ZFPM2: variants seen among roughly 807,000 people sequenced by gnomAD.
The protein encoded by ZFPM2 is zinc finger protein ZFPM2.
In ZFPM2, 20 loss-of-function variants were observed where a neutral mutation model predicts 98.6. The ratio of observed to expected loss-of-function variants is 0.20; its 90% CI spans 0.14 to 0.29. ZFPM2 has a LOEUF of 0.29. ZFPM2 is among the 10% of genes least tolerant of loss of function. ZFPM2 has a pLI of 1.00. For missense variants in ZFPM2, 1,310 were observed against 1,388.6 expected, an observed-to-expected ratio of 0.94 and a Z score of 0.90; for synonymous variants, 518 against 502.7, an observed-to-expected ratio of 1.03 and a Z score of -0.41.
intron 4 of ZFPM2, among the ~76,000 whole-genome samples, chr8:105,600,343 G>A (rs541462126): frequency 3.9e-5 from 6 of 152,056 alleles, no homozygotes; most frequent in Non-Finnish European, 5.9e-5. Context: ...TTTCTTTTTT[G>A]CTTCTGTCAA....
At chr8:105,377,192 A>T (rs1244669322) in intron 1 of ZFPM2, among the ~76,000 whole-genome samples, 1 of 152,162 alleles carries the variant, frequency 6.6e-6, no homozygotes, top group Admixed American at 6.5e-5. Flanking sequence ...GGCTTCCCTG[A>T]CTTACCAGAT....
At chr8:105,597,430 A>G (rs1459199664) in intron 4 of ZFPM2, among the ~76,000 whole-genome samples, 3 of 151,958 alleles carry the variant, frequency 2.0e-5, no homozygotes, top group Non-Finnish European at 4.4e-5. Context: ...TAATGAGAAA[A>G]AGAGAGCAGA....
At chr8:105,451,175 A>G (rs1056660480) in intron 3 of ZFPM2, among the ~76,000 whole-genome samples, 1 of 152,198 alleles carries the variant, frequency 6.6e-6, no homozygotes, top group African/African-American at 2.4e-5. Context: ...TTGTTTACAT[A>G]AGTTAAATTG....
chr8:105,611,904 G>A (rs1050245168), intron 4 of ZFPM2, among the ~76,000 whole-genome samples: 1 of 151,780 alleles, frequency 6.6e-6, no homozygotes, highest in African/African-American at 2.4e-5. Flanking sequence ...TACCATGTTG[G>A]CCAGGCTGGT....
At chr8:105,725,676 A>G (rs1811794288) in intron 5 of ZFPM2, among the ~76,000 whole-genome samples, 1 of 151,782 alleles carries the variant, frequency 6.6e-6, no homozygotes, top group South Asian at 2.1e-4. Context: ...CAGAAGACAC[A>G]GCTCAGAAGC....
At chr8:105,388,992 C>T (rs1284621454) in intron 1 of ZFPM2, among the ~76,000 whole-genome samples, 3 of 148,432 alleles carry the variant, frequency 2.0e-5, no homozygotes, top group African/African-American at 7.5e-5. Flanking sequence ...ATTTAGAAAA[C>T]AAAACCACAG....
intron 3 of ZFPM2, among the ~76,000 whole-genome samples, chr8:105,553,524 G>A (rs1028186441): frequency 6.6e-6 from 1 of 152,132 alleles, no homozygotes. Context: ...CGCATGAAAA[G>A]GGAATGTTTC....
At chr8:105,728,554 G>T (rs1318044258) in intron 5 of ZFPM2, among the ~76,000 whole-genome samples, 1 of 151,672 alleles carries the variant, frequency 6.6e-6, no homozygotes, top group Non-Finnish European at 1.5e-5. Flanking sequence ...ACCTTTCATT[G>T]GTCAAAGCGA....
At chr8:105,701,917 C>T (rs1223022481) in intron 5 of ZFPM2, among the ~76,000 whole-genome samples, 1 of 152,176 alleles carries the variant, frequency 6.6e-6, no homozygotes, top group Non-Finnish European at 1.5e-5. Flanking sequence ...TTTCTTTCTA[C>T]ATCTTTTCTA....
intron 4 of ZFPM2, among the ~76,000 whole-genome samples, chr8:105,623,264 A>G (rs1816590393): frequency 6.6e-6 from 1 of 152,160 alleles, no homozygotes; most frequent in African/African-American, 2.4e-5. Context: ...CACCTATGAT[A>G]TAGTTTAATA....
chr8:105,696,812 T>C (rs915409297), intron 5 of ZFPM2, among the ~76,000 whole-genome samples: 1 of 152,216 alleles, frequency 6.6e-6, no homozygotes, highest in Non-Finnish European at 1.5e-5. Context: ...TGAAGCAGGC[T>C]TGCATACTGT....
intron 1 of ZFPM2, among the ~76,000 whole-genome samples, chr8:105,394,236 C>G (rs971808302): frequency 6.6e-6 from 1 of 152,092 alleles, no homozygotes; most frequent in African/African-American, 2.4e-5. Flanking sequence ...TTGAGATGCT[C>G]CTGCAAGTGG....
chr8:105,725,933 A>G (rs1246014880), intron 5 of ZFPM2, among the ~76,000 whole-genome samples: 5 of 151,712 alleles, frequency 3.3e-5, no homozygotes, highest in African/African-American at 1.2e-4. Context: ...ATGAATAGAG[A>G]TGGGAAACAG....
intron 2 of ZFPM2, among the ~76,000 whole-genome samples, chr8:105,442,161 G>A (rs1442051145): frequency 1.4e-5 from 2 of 146,610 alleles, no homozygotes; most frequent in African/African-American, 2.6e-5. Context: ...GTGAAACCCC[G>A]TCTCTACTAA....
At chr8:105,372,918 C>T (rs1452901815) in intron 1 of ZFPM2, among the ~76,000 whole-genome samples, 2 of 152,046 alleles carry the variant, frequency 1.3e-5, no homozygotes, top group Non-Finnish European at 1.5e-5. Flanking sequence ...GAAAAAAAGA[C>T]TTCAGAAAAT....
intron 5 of ZFPM2, among the ~76,000 whole-genome samples, chr8:105,706,608 G>A (rs761261391): frequency 6.6e-6 from 1 of 151,960 alleles, no homozygotes; most frequent in Non-Finnish European, 1.5e-5. Context: ...TGGAAATAGA[G>A]TCTCACTGTC....
At chr8:105,604,991 A>G (rs1816169406) in intron 4 of ZFPM2, among the ~76,000 whole-genome samples, 1 of 152,122 alleles carries the variant, frequency 6.6e-6, no homozygotes, top group African/African-American at 2.4e-5. Flanking sequence ...GACATTTTAA[A>G]AAGATCTTAA....
At chr8:105,340,129 G>T (rs1812399850) in intron 1 of ZFPM2, among the ~76,000 whole-genome samples, 1 of 151,886 alleles carries the variant, frequency 6.6e-6, no homozygotes, top group African/African-American at 2.4e-5. Flanking sequence ...TGAGAAAAAT[G>T]AAGGAGCCAT....
chr8:105,407,108 AT>A (rs5893742), intron 1 of ZFPM2, among the ~76,000 whole-genome samples: 38,226 of 130,690 alleles, frequency 0.29, 4,972 homozygotes, highest in African/African-American at 0.37. Flanking sequence ...AAATGCTCTA[AT>A]TTTTTTTTTT....
Sources: allele counts gnomAD v4.1 joint callset (sites outside exome capture counted in the v4.1 genomes callset), GRCh38; gene constraint gnomAD v4.1.1; transcripts MANE v1.5; gene names NCBI Gene and HGNC (gene_info 2026-07-23, HGNC 2026-07-21).